Variants in SYNE1 observed in about 807,000 individuals in gnomAD.
SYNE1 encodes the protein nesprin-1.
A neutral mutation model predicts 1,111.0 loss-of-function variants in SYNE1; 616 were observed. That is an observed-to-expected ratio of 0.55 (90% CI 0.52 to 0.59). The LOEUF is 0.59. Ranked by LOEUF, SYNE1 falls within the 20% of genes least tolerant of loss-of-function variation. The probability of loss-of-function intolerance (pLI) is 0.00; values close to 1 mark genes in which losing one functional copy is unlikely to be tolerated. For synonymous variants in SYNE1, 3,855 were observed against 3,825.8 expected (o/e 1.01, Z -0.28); for missense variants, 10,006 against 10,417.0 (o/e 0.96, Z 1.72).
At chr6:152,440,365 G>A (rs1002569595) in intron 32 of SYNE1, among the ~76,000 whole-genome samples, 3 of 151,926 alleles carry the variant, frequency 2.0e-5, no homozygotes, top group Non-Finnish European at 2.9e-5. Flanking sequence ...AATGCTTTAG[G>A]TCTTCAAGAC....
intron 55 of SYNE1, among the ~76,000 whole-genome samples, chr6:152,383,085 G>A (rs1355420211): frequency 6.6e-6 from 1 of 152,082 alleles, no homozygotes; most frequent in African/African-American, 2.4e-5. Flanking sequence ...TTCCTCCAAG[G>A]TTTTTAAAAC....
rs985841698 is a variant in SYNE1 at position 152,330,410 on chromosome 6, A to G, written c.14275T>C (p.Tyr4759His). 6.2e-7 allele frequency: 1 copy of G among 1,614,140 alleles called. No individual in the cohort carries two copies. The highest frequency in any genetic ancestry group is 1.3e-5 in the African/African-American group (1 of 75,050). ...TCTGTTTGTCGCTTCAGCCTGTGATATAAGGTGACAAGGTGCAGCATCTTG... is the reference window on the plus strand; with the variant it reads ...TCTGTTTGTCGCTTCAGCCTGTGATGTAAGGTGACAAGGTGCAGCATCTTG... The part of the protein sequence containing the change: ...PDKMLHLVTL[Y>H]HRLKRQTEQR... The change falls in exon 78 of 146, where the codon TAT (tyrosine) becomes CAT (histidine). Residue 4759 changes from tyrosine to histidine, a missense_variant. Tyr to His is a moderately conservative substitution (Grantham distance 83, BLOSUM62 2). Coordinates refer to ENST00000367255, the MANE Select transcript of SYNE1 (RefSeq NM_182961.4).
At chr6:152,433,665 T>G (rs2098449174) in intron 34 of SYNE1, 130 bp downstream of exon 34, 8 of 1,098,062 alleles carry the variant, frequency 7.3e-6, no homozygotes, top group South Asian at 2.6e-5. Flanking sequence ...ATAAAATGTA[T>G]GAATTTAATT....
At chr6:152,371,206 C>T (rs987596643) in intron 59 of SYNE1, among the ~76,000 whole-genome samples, 1 of 152,044 alleles carries the variant, frequency 6.6e-6, no homozygotes, top group African/African-American at 2.4e-5. Context: ...CCCATAATCC[C>T]CATGTGTCTT....
intron 95 of SYNE1, among the ~76,000 whole-genome samples, chr6:152,290,227 A>G (rs932253861): frequency 6.6e-6 from 1 of 152,206 alleles, no homozygotes; most frequent in Non-Finnish European, 1.5e-5. Context: ...AACAGCCACA[A>G]GTCAGCTCAT....
intron 126 of SYNE1, among the ~76,000 whole-genome samples, chr6:152,205,047 G>C (rs1031486308): frequency 6.6e-6 from 1 of 151,948 alleles, no homozygotes; most frequent in African/African-American, 2.4e-5. Flanking sequence ...TAGATGTCCA[G>C]TGGCATTTTT....
intron 61 of SYNE1, 112 bp from the exon 62 acceptor site, chr6:152,367,494 A>G: frequency 8.0e-7 from 1 of 1,243,570 alleles, no homozygotes; most frequent in Non-Finnish European, 1.2e-6. Context: ...CGCTGCACAG[A>G]TACGAGGCAA....
chr6:152,218,298 A>AT lies in SYNE1; in HGVS notation c.22149dup (p.Ser7384IlefsTer2). The AT allele has an allele frequency of 6.2e-7, 1 of 1,614,114 alleles. No homozygotes were observed. Among genetic ancestry groups the AT allele is most frequent in the South Asian group, 1.1e-5 (1 of 91,082 alleles). On this transcript the variant is annotated frameshift_variant, in exon 121 of 146. Transcript: ENST00000367255. LOFTEE classifies it high-confidence loss of function. ...CTTTCCTGGATTGTGGAGAGGTCAGATGAGTGGCTAGGGTCCTGCCCTTGT... is the reference window on the plus strand; with the variant it reads ...CTTTCCTGGATTGTGGAGAGGTCAGATTGAGTGGCTAGGGTCCTGCCCTTGT...
At chr6:152,495,171 C>T (rs188946705) in intron 11 of SYNE1, among the ~76,000 whole-genome samples, 52 of 152,288 alleles carry the variant, frequency 3.4e-4, no homozygotes, top group East Asian at 1.9e-4. Flanking sequence ...TTGCTATTCT[C>T]CCACTCCTCA....
chr6:152,183,195 C>T (rs532872117), intron 128 of SYNE1, among the ~76,000 whole-genome samples: 23 of 152,290 alleles, frequency 1.5e-4, no homozygotes, highest in South Asian at 4.1e-4. Flanking sequence ...CTGGTGAATA[C>T]GGCCTTTTCC....
chr6:152,213,815 CT>C, intron 122 of SYNE1, 56 bp from the exon 123 acceptor site: 2 of 1,607,432 alleles, frequency 1.2e-6, no homozygotes. Context: ...TCTTACTTCT[CT>C]AGCATATAAA....
intron 141 of SYNE1, among the ~76,000 whole-genome samples, chr6:152,136,369 G>A (rs1005561178): frequency 2.0e-4 from 30 of 152,180 alleles, no homozygotes; most frequent in African/African-American, 4.6e-4. Flanking sequence ...GCGTTGCGAC[G>A]GAGATAAACA....
At position 152,354,855 on chromosome 6, in the gene SYNE1, T is replaced by C; in HGVS notation, c.10730A>G (p.Gln3577Arg). The stretch of plus-strand genomic sequence containing the variant: ...CCTGTGCTGGTAAGCCTGCCAGTCT[T>C]GCCGGAGAGACTCTAAAGCCCGGTC... ...AEDRALESLRQDWQAYQHRLS... is the reference protein window; with the variant it reads ...AEDRALESLRRDWQAYQHRLS... The change falls in exon 67 of 146, where the codon CAA becomes CGA. Residue 3577 changes from glutamine to arginine, a missense_variant. Physicochemically the swap from Gln to Arg is conservative, Grantham distance 43. Transcript: ENST00000367255. The C allele has an allele frequency of 6.2e-7, 1 of 1,614,174 alleles. No homozygotes were observed. Among genetic ancestry groups the C allele is most frequent in the South Asian group, 1.1e-5 (1 of 91,080 alleles).
chr6:152,520,187 T>A (rs1348149246), intron 6 of SYNE1, among the ~76,000 whole-genome samples: 2 of 152,170 alleles, frequency 1.3e-5, no homozygotes, highest in African/African-American at 2.4e-5. Context: ...GTTAATAGTA[T>A]CATCCCAATT....
intron 107 of SYNE1, 114 bp from the exon 108 acceptor site, chr6:152,239,820 AG>A (rs2085134161): frequency 8.9e-7 from 1 of 1,125,428 alleles, no homozygotes; most frequent in African/African-American, 1.5e-5. Context: ...ACAGTTGGGG[AG>A]GCTGAAGTGG....
intron 66 of SYNE1, among the ~76,000 whole-genome samples, chr6:152,357,639 T>C (rs2096860086): frequency 6.6e-6 from 1 of 152,208 alleles, no homozygotes; most frequent in Non-Finnish European, 1.5e-5. Flanking sequence ...AGTCTACTAA[T>C]GTCCTCGCCA....
intron 87 of SYNE1, among the ~76,000 whole-genome samples, chr6:152,311,597 A>G (rs1355932518): frequency 6.6e-6 from 1 of 152,198 alleles, no homozygotes; most frequent in Non-Finnish European, 1.5e-5. Context: ...ATCTGAGCCC[A>G]GTCAGAAGGA....
At chr6:152,452,302 G>GGTGT (rs138437661) in intron 25 of SYNE1, among the ~76,000 whole-genome samples, 2 of 150,828 alleles carry the variant, frequency 1.3e-5, no homozygotes, top group Admixed American at 6.6e-5. Flanking sequence ...AAATCCTAGA[G>GGTGT]GTGTGTGTGT....
At chr6:152,623,654 G>A (rs1320958154) in intron 3 of SYNE1, among the ~76,000 whole-genome samples, 1 of 152,028 alleles carries the variant, frequency 6.6e-6, no homozygotes, top group Admixed American at 6.5e-5. Context: ...GCATCTATAA[G>A]GAACTTAAAT....
Sources: allele counts gnomAD v4.1 joint callset (sites outside exome capture counted in the v4.1 genomes callset), GRCh38; gene constraint gnomAD v4.1.1; transcripts MANE v1.5; gene names NCBI Gene and HGNC (gene_info 2026-07-23, HGNC 2026-07-21).